The following IGSF10 variants were observed in gnomAD, a reference collection of about 807,000 sequenced individuals.
IGSF10 encodes immunoglobulin superfamily member 10, also known as calvaria mechanical force protein 608.
Under a neutral mutation model 128.2 loss-of-function variants are expected in IGSF10, and 126 were observed. The ratio of observed to expected loss-of-function variants is 0.98; its 90% confidence interval spans 0.85 to 1.14. The LOEUF (loss-of-function observed/expected upper bound fraction) is 1.14. Ranked by LOEUF, IGSF10 falls within the 50% of genes most tolerant of loss-of-function variation. The pLI is 0.00. For missense variants in IGSF10, 3,295 were observed against 3,149.8 expected, an observed-to-expected ratio of 1.05 and a Z score of -1.10; for synonymous variants, 1,185 against 1,146.2, an observed-to-expected ratio of 1.03 and a Z score of -0.68.
Position 151,437,530 on chromosome 3 carries a change from T to TTAAA in IGSF10, c.7027_7030dup (p.Asn2344IlefsTer2), listed in dbSNP as rs1481128468. On this transcript the variant is annotated stop_gained and frameshift_variant, in exon 8 of 8. Transcript: ENST00000282466. LOFTEE classifies it low-confidence loss of function (END_TRUNC). ...TCCCAGCTGGGCAACTATTTTTTCA[T>TTAAA]TAAATGGATTTCTAAATGTCGGTCT... is the stretch of plus-strand genomic sequence containing the variant. The TTAAA allele has an allele frequency of 1.2e-6, 2 of 1,614,098 alleles. No individual in the cohort carries two copies. Among genetic ancestry groups the TTAAA allele is most frequent in the African/African-American group, 2.7e-5 (2 of 74,936 alleles).
chr3:151,449,544 T>C (rs1376733763), intron 5 of IGSF10, among the ~76,000 whole-genome samples: 1 of 152,216 alleles, frequency 6.6e-6, no homozygotes, highest in African/African-American at 2.4e-5. Flanking sequence ...TGGTACCCAG[T>C]AAATATTAGT....
rs748385847 is a variant in IGSF10, at chr3:151,443,172, C to T, written c.5775G>A (p.Ser1925=). 18 of 1,614,092 alleles carry T rather than the reference C, an allele frequency of 1.1e-5. No homozygotes were observed. The highest frequency in any genetic ancestry group is 1.6e-4 in the Middle Eastern group (1 of 6,084). The change falls in exon 7 of 8, where the codon TCG becomes TCA. Residue 1925 remains serine, a synonymous_variant. Coordinates refer to ENST00000282466, the MANE Select transcript of IGSF10 (RefSeq NM_178822.5). ...TTGTAAGCATTACTACTCTTCGCTC[C>T]GAACCAGTGGAACTGGTAGCAATGC... ...YECIATSSTG[S]ERRVVMLTME...
chr3:151,442,539 C>A (rs1720919068), intron 7 of IGSF10, among the ~76,000 whole-genome samples: 2 of 90,026 alleles, frequency 2.2e-5, no homozygotes, highest in Admixed American at 2.3e-4. Flanking sequence ...GGCCACCATG[C>A]CCGGCTAATT....
rs1721366909 is a variant in IGSF10 at position 151,448,853 on chromosome 3, T to C, written c.1128A>G (p.Gln376=). The change falls in exon 6 of 8, where the codon CAA becomes CAG. Residue 376 remains glutamine, a synonymous_variant. Coordinates refer to ENST00000282466, the MANE Select transcript of IGSF10 (RefSeq NM_178822.5). ...GAGAATCACTGTACAAAGCCAAAAT[T>C]TGCCACACTGGCTGAATGTGACCGT... ...IDYGHIQPVW[Q]ILALYSDSPL... 6.2e-7 allele frequency: 1 copy of C among 1,613,804 alleles called. No individual in the cohort carries two copies. The highest frequency in any genetic ancestry group is 1.3e-5 in the African/African-American group (1 of 74,928).
At chr3:151,469,478 A>G in the IGSF10 span, among the ~76,000 whole-genome samples, 2 of 152,138 alleles carry the variant, frequency 1.3e-5, no homozygotes, top group African/African-American at 4.8e-5. Flanking sequence ...TTAGGGTGAG[A>G]TTTACTTTCA....
At position 151,443,167 on chromosome 3, in the gene IGSF10, C is replaced by A. The variant is rs370577126; in HGVS notation, c.5780G>T (p.Arg1927Leu). ...CIATSSTGSE[R>L]RVVMLTMEER... ...TTCCATTGTAAGCATTACTACTCTT[C>A]GCTCCGAACCAGTGGAACTGGTAGC... The change falls in exon 7 of 8, where the codon CGA becomes CTA. Residue 1927 changes from arginine to leucine, a missense_variant. Physicochemically the swap from Arg to Leu is moderately radical, Grantham distance 102. Coordinates refer to ENST00000282466, the MANE Select transcript of IGSF10 (RefSeq NM_178822.5). 2 of 1,614,240 alleles carry A rather than the reference C, an allele frequency of 1.2e-6. No individual in the cohort carries two copies. The highest frequency in any genetic ancestry group is 1.3e-5 in the African/African-American group (1 of 75,058).
the IGSF10 span, among the ~76,000 whole-genome samples, chr3:151,552,860 G>T: frequency 1.3e-5 from 2 of 152,058 alleles, no homozygotes. Flanking sequence ...GTCATGATAG[G>T]CCTTCTTTTT....
chr3:151,478,496 C>G, the IGSF10 span, among the ~76,000 whole-genome samples: 1 of 152,140 alleles, frequency 6.6e-6, no homozygotes, highest in Non-Finnish European at 1.5e-5. Flanking sequence ...GTGCAGTATT[C>G]CATGAGAATC....
chr3:151,550,459 G>A, the IGSF10 span, among the ~76,000 whole-genome samples: 88 of 152,272 alleles, frequency 5.8e-4, no homozygotes, highest in African/African-American at 2.0e-3. Flanking sequence ...GGGCATTTGA[G>A]GTTTCTGCAC....
At chr3:151,519,647 A>G in the IGSF10 span, among the ~76,000 whole-genome samples, 2 of 151,938 alleles carry the variant, frequency 1.3e-5, no homozygotes, top group Middle Eastern at 6.8e-3. Flanking sequence ...AATAGACATC[A>G]TCTTTTTTCT....
chr3:151,591,170 A>G, the IGSF10 span, among the ~76,000 whole-genome samples: 6 of 151,674 alleles, frequency 4.0e-5, no homozygotes, highest in Admixed American at 1.3e-4. Context: ...AAGAAAAGAT[A>G]CATGTTGGCA....
rs751317037 is a variant in IGSF10, at chr3:151,446,218, G to A, written c.3763C>T (p.Leu1255Phe). The change falls in exon 6 of 8, where the codon CTT becomes TTT. Residue 1255 changes from leucine (L) to phenylalanine (F), a missense_variant. Physicochemically the swap from Leu to Phe is conservative, Grantham distance 22. Coordinates refer to ENST00000282466, the MANE Select transcript of IGSF10 (RefSeq NM_178822.5). ...DKVSPFHFTT[L>F]STSVMQIPSN... ...GGAATTTGCATCACACTTGTTGAAA[G>A]TGTGGTGAAATGGAAAGGGGAGACT... 2.5e-6 allele frequency: 4 copies of A among 1,613,640 alleles called. No homozygotes were observed. The highest frequency in any genetic ancestry group is 3.4e-6 in the Non-Finnish European group (4 of 1,179,662).
At position 151,436,450 on chromosome 3, in the gene IGSF10, G is replaced by A; in HGVS notation, c.*239C>T. On this transcript the variant is annotated 3_prime_UTR_variant, in exon 8 of 8. Coordinates refer to ENST00000282466, the MANE Select transcript of IGSF10 (RefSeq NM_178822.5). Reference sequence around the variant, plus strand: ...TGAACCGTTTCAATGTTTGTTTATTGTTATTTGTTGGCAAAATAAAAGTGC... The same window carrying A: ...TGAACCGTTTCAATGTTTGTTTATTATTATTTGTTGGCAAAATAAAAGTGC... 1 of 385,616 alleles carries A rather than the reference G, an allele frequency of 2.6e-6. No homozygotes were observed. Among genetic ancestry groups the A allele is most frequent in the Non-Finnish European group, 4.6e-6 (1 of 216,430 alleles). 23.9% of individuals were successfully genotyped at this position (385,616 alleles called of 1,614,324 possible).
Position 151,437,307 on chromosome 3 carries a change from G to A in IGSF10, c.7254C>T (p.Gly2418=), listed in dbSNP as rs111254790. The A allele has an allele frequency of 7.9e-3, 12,687 of 1,614,116 alleles. 62 individuals carry two copies. The highest frequency in any genetic ancestry group is 0.01 in the South Asian group (948 of 91,086). The change falls in exon 8 of 8, where the codon GGC becomes GGT. Residue 2418 remains glycine (G), a synonymous_variant. Transcript: ENST00000282466. The part of the protein sequence containing the change: ...KYRCAARNKV[G]YIEKLVILEI... Reference sequence around the variant, plus strand: ...CTAATATGACTAATTTCTCAATATAGCCAACTTTATTCCTAGCTGCACAGC... The same window carrying A: ...CTAATATGACTAATTTCTCAATATAACCAACTTTATTCCTAGCTGCACAGC...
the IGSF10 span, among the ~76,000 whole-genome samples, chr3:151,534,830 T>TGC: frequency 6.6e-6 from 1 of 151,632 alleles, no homozygotes; most frequent in South Asian, 2.1e-4. Flanking sequence ...TGTGTGTGTG[T>TGC]ATGAAGGTTT....
Position 151,443,222 on chromosome 3 carries a change from AG to A in IGSF10, c.5724del (p.Ser1909LeufsTer21). The A allele has an allele frequency of 1.2e-6, 2 of 1,613,270 alleles. No individual in the cohort carries two copies. The highest frequency in any genetic ancestry group is 1.7e-6 in the Non-Finnish European group (2 of 1,179,600). ...CATTCATAAGTGCCCCTGTCTGAAG[AG>A]GCTAGGTTTCTTATATACAAAGTCC... ...SNGTLYIRNL[A>X]SSDRGTYECI... On this transcript the variant is annotated frameshift_variant, in exon 7 of 8. Coordinates refer to ENST00000282466, the MANE Select transcript of IGSF10 (RefSeq NM_178822.5). LOFTEE classifies it high-confidence loss of function.
intron 5 of IGSF10, among the ~76,000 whole-genome samples, chr3:151,450,813 T>G (rs1432411953): frequency 6.9e-6 from 1 of 144,692 alleles, no homozygotes; most frequent in Non-Finnish European, 1.5e-5. Context: ...GGAGAATCAC[T>G]TAACCCGGGA....
At chr3:151,435,062 C>CTTTTTTTTTTTTTTTTTTTTTTTTT (rs66791814), downstream of IGSF10, 3 of 119,082 alleles carry the variant, frequency 2.5e-5, no homozygotes, top group Non-Finnish European at 3.5e-5. Context: ...TGAGAGGTTT[C>CTTTTTTTTTTTTTTTTTTTTTTTTT]TTTTTTTTTT....
the IGSF10 span, among the ~76,000 whole-genome samples, chr3:151,503,075 C>T: frequency 7.9e-5 from 12 of 151,928 alleles, no homozygotes; most frequent in Admixed American, 4.6e-4. Context: ...GAGATCATAT[C>T]AAAAAATAAT....
Sources: allele counts gnomAD v4.1 joint callset (sites outside exome capture counted in the v4.1 genomes callset), GRCh38; gene constraint gnomAD v4.1.1; transcripts MANE v1.5; gene names NCBI Gene and HGNC (gene_info 2026-07-23, HGNC 2026-07-21).